Variants in GPR27 observed in about 807,000 individuals in gnomAD.
The protein encoded by GPR27 is G protein-coupled receptor 27.
Under a neutral mutation model 2.4 loss-of-function variants are expected in GPR27, and 3 were observed. That is an observed-to-expected ratio of 1.23 (90% confidence interval 0.56 to 3.18). The LOEUF (loss-of-function observed/expected upper bound fraction) is 3.18. Among genes scored for constraint, GPR27 ranks in the 30% most tolerant of loss-of-function variants. GPR27 has a pLI of 0.03. For synonymous variants in GPR27, 367 were observed against 296.4 expected (o/e 1.24, Z -2.45); for missense variants, 526 against 566.1 (o/e 0.93, Z 0.72).
In GPR27 at chr3:71,754,507, C is replaced by A; in HGVS notation, c.458C>A (p.Ala153Asp). The change falls in exon 1 of 1, where the codon GCC becomes GAC. Residue 153 changes from alanine to aspartate, a missense_variant. Ala to Asp is a moderately radical substitution (Grantham distance 126). Transcript: ENST00000304411. This position sits in a 1 kb window ranked among gnomAD's most constrained non-coding sequence, Gnocchi z 5.8. ...LVCAAWALAL[A>D]AAFPPVLDGG... ...TGCGCCGCCTGGGCGCTGGCGCTGG[C>A]CGCGGCCTTCCCGCCAGTGCTGGAC... 7.7e-7 allele frequency: 1 copy of A among 1,290,844 alleles called. No individual in the cohort carries two copies. Among genetic ancestry groups the A allele is most frequent in the Admixed American group, 3.8e-5 (1 of 26,100 alleles). The allele number at this position is 1,290,844 out of a possible 1,614,324, so 80.0% of individuals were successfully genotyped here. A position where few individuals can be genotyped will look rare whatever the true frequency, so the allele number is the denominator to read the frequency against.
At position 71,755,154 on chromosome 3, in the gene GPR27, G is replaced by C; in HGVS notation, c.1105G>C (p.Asp369His). ...GACCACCCAGGCGACCCATCCCTGC[G>C]ACCTGAAAGGCATTGGTTTATGAGG... ...PRTTQATHPCDLKGIGL is the reference protein window; with the variant it reads ...PRTTQATHPCHLKGIGL Residue 369 changes from aspartate (D) to histidine (H), a missense_variant, in exon 1 of 1, where the codon GAC becomes CAC. Asp to His is a moderately conservative substitution (Grantham distance 81). Transcript: ENST00000304411. 6.2e-7 allele frequency: 1 copy of C among 1,605,538 alleles called. No homozygotes were observed.
At position 71,755,895 on chromosome 3, in the gene GPR27, T is replaced by G. The variant is rs575320618; in HGVS notation, c.*718T>G. 1 of 152,250 alleles carries G rather than the reference T, an allele frequency of 6.6e-6. No homozygotes were observed. The highest frequency in any genetic ancestry group is 2.4e-5 in the African/African-American group (1 of 41,468). 9.4% of individuals were successfully genotyped at this position (152,250 alleles called of 1,614,324 possible). On this transcript the variant is annotated 3_prime_UTR_variant, in exon 1 of 1. Coordinates refer to ENST00000304411, the MANE Select transcript of GPR27 (RefSeq NM_018971.3). The stretch of plus-strand genomic sequence containing the variant: ...ACGTCAGTGACAACTGCTCTCTGTA[T>G]TATAGCAATCTTGAATGGAAACATT...
Position 71,754,830 on chromosome 3 carries a change from G to T in GPR27, c.781G>T (p.Ala261Ser), listed in dbSNP as rs759233056. ...TPPALVGIRP[A>S]GPGRGARRLL... Reference sequence around the variant, plus strand: ...GCCCGCGCTTGTGGGCATCCGGCCCGCAGGGCCGGGCCGCGGCGCGCGCCG... The same window carrying T: ...GCCCGCGCTTGTGGGCATCCGGCCCTCAGGGCCGGGCCGCGGCGCGCGCCG... The change falls in exon 1 of 1, where the codon GCA (alanine) becomes TCA (serine). Residue 261 changes from alanine (A) to serine (S), a missense_variant. Coordinates refer to ENST00000304411, the MANE Select transcript of GPR27 (RefSeq NM_018971.3). The surrounding 1 kb of genome is among the most constrained non-coding windows in gnomAD (Gnocchi z 5.8). 3 of 1,564,416 alleles carry T rather than the reference G, an allele frequency of 1.9e-6. No individual in the cohort carries two copies. The highest frequency in any genetic ancestry group is 1.2e-5 in the South Asian group (1 of 86,548).
rs896856156 is a variant in GPR27 at position 71,755,364 on chromosome 3, C to T, written c.*187C>T. 7.7e-5 allele frequency: 46 copies of T among 597,868 alleles called. No homozygotes were observed. The African/African-American group carries it at 8.5e-4, about 11-fold the overall frequency. The allele number at this position is 597,868 out of a possible 1,614,324, so 37.0% of individuals were successfully genotyped here. On this transcript the variant is annotated 3_prime_UTR_variant, in exon 1 of 1. Coordinates refer to ENST00000304411, the MANE Select transcript of GPR27 (RefSeq NM_018971.3). ...GTGGGTGAGGAGTAGGATGCTCAGC[C>T]CACTCCAGCTCCGCACATTCGTCCT...
chr3:71,756,103 T>C lies in GPR27; in HGVS notation c.*926T>C, dbSNP rs998117556. On this transcript the variant is annotated 3_prime_UTR_variant, in exon 1 of 1. Coordinates refer to ENST00000304411, the MANE Select transcript of GPR27 (RefSeq NM_018971.3). ...TTTTGCCAATAAAAAATTAATTTTATGGAAATGGCTTGTGCTTTGAGAAGC... is the reference window on the plus strand; with the variant it reads ...TTTTGCCAATAAAAAATTAATTTTACGGAAATGGCTTGTGCTTTGAGAAGC... 5 of 152,236 alleles carry C rather than the reference T, an allele frequency of 3.3e-5. No homozygotes were observed. Among genetic ancestry groups the C allele is most frequent in the African/African-American group, 1.2e-4 (5 of 41,458 alleles). 9.4% of individuals were successfully genotyped at this position (152,236 alleles called of 1,614,324 possible).
In GPR27 at chr3:71,755,058, G is replaced by C; in HGVS notation, c.1009G>C (p.Val337Leu). Residue 337 changes from valine (V) to leucine (L), a missense_variant, in exon 1 of 1, where the codon GTG becomes CTG. Transcript: ENST00000304411. ...CGCGCAGGCCGGCATCAACCCCGTCGTGTGCTTCCTCTTCAACAGGGAGCT... is the reference window on the plus strand; with the variant it reads ...CGCGCAGGCCGGCATCAACCCCGTCCTGTGCTTCCTCTTCAACAGGGAGCT... ...TFAQAGINPV[V>L]CFLFNRELRD... is the part of the protein sequence containing the mutation. The C allele has an allele frequency of 6.2e-7, 1 of 1,611,844 alleles. No individual in the cohort carries two copies. Among genetic ancestry groups the C allele is most frequent in the Non-Finnish European group, 8.5e-7 (1 of 1,179,978 alleles).
Position 71,753,942 on chromosome 3 carries a change from G to T in GPR27, c.-108G>T. Reference sequence around the variant, plus strand: ...AGCGGGCTGAGCCCCGCAGGACGGGGAGCTCGCCCAGGGCCGGCGGAGCGG... The same window carrying T: ...AGCGGGCTGAGCCCCGCAGGACGGGTAGCTCGCCCAGGGCCGGCGGAGCGG... On this transcript the variant is annotated 5_prime_UTR_variant, in exon 1 of 1. Transcript: ENST00000304411. 1 of 1,015,414 alleles carries T rather than the reference G, an allele frequency of 9.8e-7. No homozygotes were observed. The highest frequency in any genetic ancestry group is 4.5e-5 in the South Asian group (1 of 22,370). 62.9% of individuals were successfully genotyped at this position (1,015,414 alleles called of 1,614,324 possible). A position where few individuals can be genotyped will look rare whatever the true frequency, so the allele number is the denominator to read the frequency against.
Position 71,754,872 on chromosome 3 carries a change from G to A in GPR27, c.823G>A (p.Glu275Lys). 6.2e-7 allele frequency: 1 copy of A among 1,611,786 alleles called. No individual in the cohort carries two copies. The highest frequency in any genetic ancestry group is 8.5e-7 in the Non-Finnish European group (1 of 1,179,194). The change falls in exon 1 of 1, where the codon GAA (glutamate) becomes AAA (lysine). Residue 275 changes from glutamate to lysine, a missense_variant. Transcript: ENST00000304411. This position sits in a 1 kb window ranked among gnomAD's most constrained non-coding sequence, Gnocchi z 5.8. Reference protein sequence around the residue: ...RGARRLLVLEEFKTEKRLCKM... With the variant: ...RGARRLLVLEKFKTEKRLCKM... ...CGCGCGCCGCCTCCTCGTGCTGGAA[G>A]AATTCAAGACGGAGAAGAGGCTGTG...
rs1165274371 is a variant in GPR27, at chr3:71,755,575, G to C, written c.*398G>C. On this transcript the variant is annotated 3_prime_UTR_variant, in exon 1 of 1. Transcript: ENST00000304411. ...AAGCTATTTTTGACAACCTCAAGTG[G>C]CATTACATTTTGCAGTGAAGTAGAG... The C allele has an allele frequency of 1.2e-5, 2 of 168,972 alleles. No individual in the cohort carries two copies. 10.5% of individuals were successfully genotyped at this position (168,972 alleles called of 1,614,324 possible). A position where few individuals can be genotyped will look rare whatever the true frequency, so the allele number is the denominator to read the frequency against.
chr3:71,754,684 G>A lies in GPR27; in HGVS notation c.635G>A (p.Arg212His). 2 of 1,498,018 alleles carry A rather than the reference G, an allele frequency of 1.3e-6. No individual in the cohort carries two copies. The highest frequency in any genetic ancestry group is 1.8e-6 in the Non-Finnish European group (2 of 1,129,304). The allele number at this position is 1,498,018 out of a possible 1,614,324, so 92.8% of individuals were successfully genotyped here. Reference protein sequence around the residue: ...LRLLFFIHDRRKMRPARLVPA... With the variant: ...LRLLFFIHDRHKMRPARLVPA... ...CTGCTCTTCTTCATCCACGACCGCC[G>A]CAAGATGCGGCCCGCGCGCCTGGTG... The change falls in exon 1 of 1, where the codon CGC becomes CAC. Residue 212 changes from arginine to histidine, a missense_variant. Arg to His is a conservative substitution (Grantham distance 29). Around this residue, in one of 3 missense-constraint regions of GPR27, gnomAD observed 98 missense variants for 146.7 expected, o/e 0.67. Transcript: ENST00000304411. This position sits in a 1 kb window ranked among gnomAD's most constrained non-coding sequence, Gnocchi z 5.8.
chr3:71,754,477 T>A lies in GPR27; in HGVS notation c.428T>A (p.Leu143Gln). ...RLAGWPCAAM[L>Q]VCAAWALALA... Reference sequence around the variant, plus strand: ...GCCGGCTGGCCGTGCGCCGCCATGCTGGTGTGCGCCGCCTGGGCGCTGGCG... The same window carrying A: ...GCCGGCTGGCCGTGCGCCGCCATGCAGGTGTGCGCCGCCTGGGCGCTGGCG... The change falls in exon 1 of 1, where the codon CTG (leucine) becomes CAG (glutamine). Residue 143 changes from leucine (L) to glutamine (Q), a missense_variant. Leu to Gln is a moderately radical substitution (Grantham distance 113, BLOSUM62 -2). Around this residue, in one of 3 missense-constraint regions of GPR27, gnomAD observed 312 missense variants for 318.4 expected, o/e 0.98. Transcript: ENST00000304411. The surrounding 1 kb of genome is among the most constrained non-coding windows in gnomAD (Gnocchi z 5.8). The A allele has an allele frequency of 3.1e-6, 4 of 1,309,524 alleles. No homozygotes were observed. The highest frequency in any genetic ancestry group is 3.9e-6 in the Non-Finnish European group (4 of 1,027,122). The allele number at this position is 1,309,524 out of a possible 1,614,324, so 81.1% of individuals were successfully genotyped here. A position where few individuals can be genotyped will look rare whatever the true frequency, so the allele number is the denominator to read the frequency against.
chr3:71,755,243 C>T lies in GPR27; in HGVS notation c.*66C>T, dbSNP rs760137767. Reference sequence around the variant, plus strand: ...TTTGGCTCGGACGGTGACGTTGTATCTTTTCCTTCTGGCCCCTGTTTAATT... The same window carrying T: ...TTTGGCTCGGACGGTGACGTTGTATTTTTTCCTTCTGGCCCCTGTTTAATT... On this transcript the variant is annotated 3_prime_UTR_variant, in exon 1 of 1. Transcript: ENST00000304411. 1.8e-5 allele frequency: 23 copies of T among 1,259,380 alleles called. No individual in the cohort carries two copies. Among genetic ancestry groups the T allele is most frequent in the Non-Finnish European group, 2.5e-5 (23 of 921,324 alleles). 78.0% of individuals were successfully genotyped at this position (1,259,380 alleles called of 1,614,324 possible). A position where few individuals can be genotyped will look rare whatever the true frequency, so the allele number is the denominator to read the frequency against.
Position 71,754,725 on chromosome 3 carries a change from G to C in GPR27, c.676G>C (p.Asp226His). The part of the protein sequence containing the change: ...PARLVPAVSH[D>H]WTFHGPGATG... ...GCGCCTGGTGCCCGCCGTCAGCCAC[G>C]ACTGGACCTTCCACGGCCCGGGCGC... The change falls in exon 1 of 1, where the codon GAC (aspartate) becomes CAC (histidine). Residue 226 changes from aspartate to histidine, a missense_variant. By Grantham distance (81) the Asp-to-His change is moderately conservative. Around this residue, in one of 3 missense-constraint regions of GPR27, gnomAD observed 98 missense variants for 146.7 expected, o/e 0.67. Coordinates refer to ENST00000304411, the MANE Select transcript of GPR27 (RefSeq NM_018971.3). This position sits in a 1 kb window ranked among gnomAD's most constrained non-coding sequence, Gnocchi z 5.8. 6.8e-7 allele frequency: 1 copy of C among 1,469,914 alleles called. No individual in the cohort carries two copies. The highest frequency in any genetic ancestry group is 9.0e-7 in the Non-Finnish European group (1 of 1,112,970). The allele number at this position is 1,469,914 out of a possible 1,614,324, so 91.1% of individuals were successfully genotyped here.
chr3:71,753,897 C>A lies in GPR27; in HGVS notation c.-153C>A, dbSNP rs2049967296. On this transcript the variant is annotated 5_prime_UTR_variant, in exon 1 of 1. Transcript: ENST00000304411. ...GGCGGCACAGCGGCGGCTCGGGGAG[C>A]CCAGGAGGGGCCGGCCGGGAGCGGG... Among the ~76,000 whole-genome samples the A allele has an allele frequency of 2.0e-5, 3 of 148,366 alleles. No homozygotes were observed. The East Asian group carries it at 5.9e-4, about 29-fold the overall frequency.
Position 71,754,453 on chromosome 3 carries a change from C to T in GPR27, c.404C>T (p.Ala135Val). The T allele has an allele frequency of 7.5e-7, 1 of 1,336,996 alleles. No individual in the cohort carries two copies. Among genetic ancestry groups the T allele is most frequent in the Non-Finnish European group, 9.6e-7 (1 of 1,038,216 alleles). 82.8% of individuals were successfully genotyped at this position (1,336,996 alleles called of 1,614,324 possible). Residue 135 changes from alanine to valine, a missense_variant, in exon 1 of 1, where the codon GCC becomes GTC. Physicochemically the swap from Ala to Val is moderately conservative, Grantham distance 64. Transcript: ENST00000304411. This position sits in a 1 kb window ranked among gnomAD's most constrained non-coding sequence, Gnocchi z 5.8. The stretch of plus-strand genomic sequence containing the variant: ...CACCGCTTCTATGCAGAGCGCCTGG[C>T]CGGCTGGCCGTGCGCCGCCATGCTG... ...AHHRFYAERL[A>V]GWPCAAMLVC...
chr3:71,754,600 T>C lies in GPR27; in HGVS notation c.551T>C (p.Leu184Pro). 1 of 1,436,940 alleles carries C rather than the reference T, an allele frequency of 7.0e-7. No individual in the cohort carries two copies. The highest frequency in any genetic ancestry group is 9.1e-7 in the Non-Finnish European group (1 of 1,096,694). The allele number at this position is 1,436,940 out of a possible 1,614,324, so 89.0% of individuals were successfully genotyped here. ...EQRPDGAPGA[L>P]GFLLLLAVVV... The stretch of plus-strand genomic sequence containing the variant: ...CGGCCCGACGGCGCCCCCGGCGCGC[T>C]GGGCTTCCTGCTGCTGCTGGCCGTG... The change falls in exon 1 of 1, where the codon CTG becomes CCG. Residue 184 changes from leucine to proline, a missense_variant. Physicochemically the swap from Leu to Pro is moderately conservative, Grantham distance 98. Around this residue, in one of 3 missense-constraint regions of GPR27, gnomAD observed 312 missense variants for 318.4 expected, o/e 0.98. Transcript: ENST00000304411. The surrounding 1 kb of genome is among the most constrained non-coding windows in gnomAD (Gnocchi z 5.8).
Position 71,754,741 on chromosome 3 carries a change from GC to G in GPR27, c.695del (p.Pro232ArgfsTer89). On this transcript the variant is annotated frameshift_variant, in exon 1 of 1. Coordinates refer to ENST00000304411, the MANE Select transcript of GPR27 (RefSeq NM_018971.3). LOFTEE classifies it low-confidence loss of function (END_TRUNC). This position sits in a 1 kb window ranked among gnomAD's most constrained non-coding sequence, Gnocchi z 5.8. ...PAVSHDWTFH[G>X]PGATGQAAAN... Reference sequence around the variant, plus strand: ...GTCAGCCACGACTGGACCTTCCACGGCCCGGGCGCCACCGGCCAGGCGGCCG... The same window carrying G: ...GTCAGCCACGACTGGACCTTCCACGGCCGGGCGCCACCGGCCAGGCGGCCG... 2 of 1,395,270 alleles carry G rather than the reference GC, an allele frequency of 1.4e-6. No homozygotes were observed. The highest frequency in any genetic ancestry group is 1.5e-5 in the South Asian group (1 of 68,668). The allele number at this position is 1,395,270 out of a possible 1,614,324, so 86.4% of individuals were successfully genotyped here.
In GPR27 at chr3:71,754,787, C is replaced by T. The variant is rs1559619584; in HGVS notation, c.738C>T (p.Phe246=). The change falls in exon 1 of 1, where the codon TTC becomes TTT. Residue 246 remains phenylalanine (F), a synonymous_variant. Transcript: ENST00000304411. This position sits in a 1 kb window ranked among gnomAD's most constrained non-coding sequence, Gnocchi z 5.8. ...GQAAANWTAG[F]GRGPTPPALV... ...CGGCCGCCAACTGGACGGCGGGCTT[C>T]GGCCGCGGGCCCACGCCGCCCGCGC... is the stretch of plus-strand genomic sequence containing the variant. The T allele has an allele frequency of 1.6e-6, 2 of 1,266,870 alleles. No individual in the cohort carries two copies. Among genetic ancestry groups the T allele is most frequent in the Non-Finnish European group, 2.0e-6 (2 of 1,007,252 alleles). The allele number at this position is 1,266,870 out of a possible 1,614,324, so 78.5% of individuals were successfully genotyped here. A position where few individuals can be genotyped will look rare whatever the true frequency, so the allele number is the denominator to read the frequency against.
Position 71,755,189 on chromosome 3 carries a change from C to T in GPR27, c.*12C>T, listed in dbSNP as rs2049990284. ...GCATTGGTTTATGAGGGAGGCCCCG[C>T]CACATAGACCCCCAACCCAGCCTTT... On this transcript the variant is annotated 3_prime_UTR_variant, in exon 1 of 1. Coordinates refer to ENST00000304411, the MANE Select transcript of GPR27 (RefSeq NM_018971.3). 6.4e-7 allele frequency: 1 copy of T among 1,569,166 alleles called. No homozygotes were observed. Among genetic ancestry groups the T allele is most frequent in the Middle Eastern group, 1.7e-4 (1 of 5,988 alleles).
Sources: allele counts gnomAD v4.1 joint callset (sites outside exome capture counted in the v4.1 genomes callset), GRCh38; gene constraint gnomAD v4.1.1; regional missense constraint gnomAD v4.1.1; non-coding constraint Gnocchi (gnomAD v3.1); transcripts MANE v1.5; gene names NCBI Gene and HGNC (gene_info 2026-07-23, HGNC 2026-07-21).